The following PCDHA9 variants were observed in gnomAD, a reference collection of about 807,000 sequenced individuals.
PCDHA9 encodes protocadherin alpha 9.
A neutral mutation model predicts 62.0 loss-of-function variants in PCDHA9; 62 were observed. That is an observed-to-expected ratio of 1.00 (90% CI 0.81 to 1.23). The LOEUF is 1.23. Ranked by LOEUF, PCDHA9 falls within the 50% of genes most tolerant of loss-of-function variation. The probability of loss-of-function intolerance (pLI) is 0.00; values close to 1 mark genes in which losing one functional copy is unlikely to be tolerated. For missense variants in PCDHA9, 1,205 were observed against 1,249.8 expected (o/e 0.96, Z 0.54); for synonymous variants, 557 against 567.6 (o/e 0.98, Z 0.27).
chr5:140,960,188 G>A (rs1371016387), intron 1 of PCDHA9, among the ~76,000 whole-genome samples: 7 of 152,132 alleles, frequency 4.6e-5, no homozygotes, highest in Non-Finnish European at 7.4e-5. Flanking sequence ...GGTTGCATGT[G>A]TAGTGGTCAG....
At chr5:140,884,213 G>C in intron 1 of PCDHA9, 1 of 1,613,532 alleles carries the variant, frequency 6.2e-7, no homozygotes, top group East Asian at 2.2e-5. Flanking sequence ...CCGCCTTCTG[G>C]TGCTGGTGAA....
intron 1 of PCDHA9, chr5:140,869,665 C>G: frequency 6.2e-7 from 1 of 1,613,338 alleles, no homozygotes; most frequent in Non-Finnish European, 8.5e-7. Flanking sequence ...AAATGGTAAG[C>G]AGATTAAAAG....
chr5:140,908,492 T>G (rs1241563422), intron 1 of PCDHA9, among the ~76,000 whole-genome samples: 3 of 152,226 alleles, frequency 2.0e-5, no homozygotes, highest in African/African-American at 7.2e-5. Context: ...CAGTTCAGGT[T>G]GCTTGGTGAC....
At chr5:140,871,172 C>A in intron 1 of PCDHA9, 1 of 1,613,546 alleles carries the variant, frequency 6.2e-7, no homozygotes, top group South Asian at 1.1e-5. Context: ...AGCCCAGAGG[C>A]TGCGCTGGTG....
chr5:140,927,995 AC>A, intron 1 of PCDHA9: 5 of 1,614,042 alleles, frequency 3.1e-6, no homozygotes, highest in Non-Finnish European at 4.2e-6. Flanking sequence ...AAGGATGAAG[AC>A]CTCGATTCTA....
At chr5:140,872,769 T>C (rs1463790803) in intron 1 of PCDHA9, among the ~76,000 whole-genome samples, 2 of 152,184 alleles carry the variant, frequency 1.3e-5, no homozygotes, top group African/African-American at 2.4e-5. Flanking sequence ...TAGGGCTATA[T>C]TATCTATAAT....
In PCDHA9 at chr5:140,882,891, A is replaced by T. The variant is rs782750187; in HGVS notation, c.2394+32002A>T. 1 of 1,614,230 alleles carries T rather than the reference A, an allele frequency of 6.2e-7. No individual in the cohort carries two copies. The highest frequency in any genetic ancestry group is 8.5e-7 in the Non-Finnish European group (1 of 1,180,042). On this transcript the variant is annotated intron_variant, in intron 1 of 3. Transcript: ENST00000532602. ...CTGGACAGAGAGGAAATTCAGGAAC[A>T]TAGTTTATTACTGACAGCCAGTGAT...
intron 1 of PCDHA9, among the ~76,000 whole-genome samples, chr5:140,976,053 A>G (rs1174656934): frequency 2.6e-5 from 4 of 152,222 alleles, no homozygotes; most frequent in Non-Finnish European, 5.9e-5. Flanking sequence ...AAATTGTGAT[A>G]GTAATATATG....
intron 2 of PCDHA9, among the ~76,000 whole-genome samples, chr5:140,980,712 T>G (rs4404731): frequency 0.013 from 1,940 of 152,272 alleles, 50 homozygotes; most frequent in African/African-American, 0.045. Context: ...GTGCTCCTAT[T>G]CGGGTTTCAA....
intron 1 of PCDHA9, among the ~76,000 whole-genome samples, chr5:140,918,569 G>T (rs374823656): frequency 3.9e-5 from 6 of 152,136 alleles, no homozygotes; most frequent in African/African-American, 1.4e-4. Context: ...TGTATATTAT[G>T]CTGCTATTGG....
chr5:140,910,982 T>C (rs1204318531), intron 1 of PCDHA9, among the ~76,000 whole-genome samples: 1 of 152,130 alleles, frequency 6.6e-6, no homozygotes, highest in Non-Finnish European at 1.5e-5. Flanking sequence ...GGTTATACTC[T>C]GAACCTCACC....
In PCDHA9 at chr5:141,010,472, A is replaced by G. The variant is rs2098417397; in HGVS notation, c.*535A>G. ...AGCGGAAGTTATCAGTATGGAGGGG[A>G]AGTGTAAACTTAAAGGGACCAGACT... On this transcript the variant is annotated 3_prime_UTR_variant, in exon 4 of 4. Transcript: ENST00000532602. The G allele has an allele frequency of 1.3e-6, 1 of 762,088 alleles. No homozygotes were observed. Among genetic ancestry groups the G allele is most frequent in the African/African-American group, 1.8e-5 (1 of 56,688 alleles). 47.2% of individuals were successfully genotyped at this position (762,088 alleles called of 1,614,324 possible).
intron 1 of PCDHA9, chr5:140,869,951 C>G (rs2051525824): frequency 6.2e-7 from 1 of 1,611,984 alleles, no homozygotes. Context: ...TCCTTAATGT[C>G]AATTAAGCCC....
At chr5:140,901,502 T>G (rs782679945) in intron 1 of PCDHA9, among the ~76,000 whole-genome samples, 1 of 152,182 alleles carries the variant, frequency 6.6e-6, no homozygotes, top group Non-Finnish European at 1.5e-5. Context: ...CGAAAATGAG[T>G]TCATTATAGA....
At chr5:140,962,358 T>C (rs1167082870) in intron 1 of PCDHA9, among the ~76,000 whole-genome samples, 4 of 152,230 alleles carry the variant, frequency 2.6e-5, no homozygotes, top group Non-Finnish European at 5.9e-5. Context: ...CCCCCAATAC[T>C]GGCTAGTTTG....
intron 1 of PCDHA9, among the ~76,000 whole-genome samples, chr5:140,888,467 A>C (rs562447782): frequency 7.2e-5 from 11 of 152,334 alleles, no homozygotes; most frequent in African/African-American, 2.6e-4. Flanking sequence ...TCAAAATGTC[A>C]GTAGTTCCAC....
intron 3 of PCDHA9, among the ~76,000 whole-genome samples, chr5:141,000,421 ATTTTTTT>A (rs34755515): frequency 5.7e-4 from 16 of 27,976 alleles, no homozygotes; most frequent in Non-Finnish European, 7.4e-4. Flanking sequence ...ATATATATAT[ATTTTTTT>A]TTTTTTTTTT....
At chr5:140,963,911 T>C (rs2095797811) in intron 1 of PCDHA9, among the ~76,000 whole-genome samples, 1 of 152,238 alleles carries the variant, frequency 6.6e-6, no homozygotes, top group African/African-American at 2.4e-5. Context: ...AAGTGAAGCT[T>C]AGGCTAAGTA....
chr5:140,850,741 C>A lies in PCDHA9; in HGVS notation c.2246C>A (p.Ser749Ter). Reference sequence around the variant, plus strand: ...TGTTCTAGCGCGGTGGGGAGTTGGTCGTACTCGCAGCAGAGGAGGCAGAGG... The same window carrying A: ...TGTTCTAGCGCGGTGGGGAGTTGGTAGTACTCGCAGCAGAGGAGGCAGAGG... Reference protein sequence around the residue: ...LVCSSAVGSWSYSQQRRQRVC... With the variant: ...LVCSSAVGSW Residue 749 changes from serine (S) to a stop codon, truncating the protein, a stop_gained, in exon 1 of 4, where the codon TCG becomes TAG. Transcript: ENST00000532602. LOFTEE classifies it high-confidence loss of function. 1 of 1,597,822 alleles carries A rather than the reference C, an allele frequency of 6.3e-7. No individual in the cohort carries two copies. The highest frequency in any genetic ancestry group is 8.6e-7 in the Non-Finnish European group (1 of 1,167,568).
Sources: allele counts gnomAD v4.1 joint callset (sites outside exome capture counted in the v4.1 genomes callset), GRCh38; gene constraint gnomAD v4.1.1; transcripts MANE v1.5; gene names NCBI Gene and HGNC (gene_info 2026-07-23, HGNC 2026-07-21).